SLC7A5: variants seen among roughly 807,000 people sequenced by gnomAD.
The protein encoded by SLC7A5 is solute carrier family 7 member 5.
Under a neutral mutation model 50.2 loss-of-function variants are expected in SLC7A5, and 23 were observed. The ratio of observed to expected loss-of-function variants is 0.46; its 90% CI spans 0.33 to 0.65. The LOEUF (loss-of-function observed/expected upper bound fraction) is 0.65. Ranked by LOEUF, SLC7A5 falls within the 30% of genes least tolerant of loss-of-function variation. The pLI, the probability that SLC7A5 is intolerant of heterozygous loss-of-function variation, is 0.02. For synonymous variants in SLC7A5, 393 were observed against 330.6 expected (o/e 1.19, Z -2.05); for missense variants, 578 against 684.4 (o/e 0.84, Z 1.73).
chr16:87,869,424 C>T lies in SLC7A5; in HGVS notation c.-2G>A. ...CCGCTTCGGGCCCGCACCCGCCATG[C>T]TCTGCGCACCGGCCGGGCCTGGGAC... On this transcript the variant is annotated 5_prime_UTR_variant, in exon 1 of 10. Coordinates refer to ENST00000261622, the MANE Select transcript of SLC7A5 (RefSeq NM_003486.7). 6.8e-7 allele frequency: 1 copy of T among 1,466,134 alleles called. No individual in the cohort carries two copies. Among genetic ancestry groups the T allele is most frequent in the Non-Finnish European group, 8.9e-7 (1 of 1,120,368 alleles). The allele number at this position is 1,466,134 out of a possible 1,614,324, so 90.8% of individuals were successfully genotyped here.
rs958451454 is a variant in SLC7A5 at position 87,831,098 on chromosome 16, C to T, written c.*1872G>A. 1 of 152,192 alleles carries T rather than the reference C, an allele frequency of 6.6e-6. No individual in the cohort carries two copies. Among genetic ancestry groups the T allele is most frequent in the African/African-American group, 2.4e-5 (1 of 41,422 alleles). 9.4% of individuals were successfully genotyped at this position (152,192 alleles called of 1,614,324 possible). A position where few individuals can be genotyped will look rare whatever the true frequency, so the allele number is the denominator to read the frequency against. On this transcript the variant is annotated 3_prime_UTR_variant, in exon 10 of 10. Coordinates refer to ENST00000261622, the MANE Select transcript of SLC7A5 (RefSeq NM_003486.7). ...GGCAGGTGGGGCACCAGCTGCTGTC[C>T]TTATTTGCAGCCAAGAGAACAGGCC...
intron 6 of SLC7A5, among the ~76,000 whole-genome samples, chr16:87,838,391 A>T (rs2055039411): frequency 6.7e-6 from 1 of 148,252 alleles, no homozygotes; most frequent in African/African-American, 2.5e-5. Flanking sequence ...TTCTGGTCTC[A>T]AGCAATCCTT....
At position 87,841,097 on chromosome 16, in the gene SLC7A5, C is replaced by T. The variant is rs1283825466; in HGVS notation, c.723G>A (p.Gly241=). The change falls in exon 3 of 10, where the codon GGG becomes GGA. Residue 241 remains glycine (G), a synonymous_variant. Coordinates refer to ENST00000261622, the MANE Select transcript of SLC7A5 (RefSeq NM_003486.7). This position sits in a 1 kb window ranked among gnomAD's most constrained non-coding sequence, Gnocchi z 4.8. ...FSFEGTKLDV[G]NIVLALYSGL... The stretch of plus-strand genomic sequence containing the variant: ...CGCTGTATAATGCCAGCACAATGTT[C>T]CCCACATCCAGTTTGGTGCCTTCAA... 6.2e-7 allele frequency: 1 copy of T among 1,613,846 alleles called. No homozygotes were observed. Among genetic ancestry groups the T allele is most frequent in the Non-Finnish European group, 8.5e-7 (1 of 1,179,942 alleles).
At chr16:87,846,020 G>C (rs1597501896) in intron 2 of SLC7A5, among the ~76,000 whole-genome samples, 1 of 152,230 alleles carries the variant, frequency 6.6e-6, no homozygotes, top group South Asian at 2.1e-4. Context: ...TGAGCTCCCA[G>C]AGCAAGCGGC....
At chr16:87,848,855 G>A (rs897568371) in intron 2 of SLC7A5, among the ~76,000 whole-genome samples, 8 of 152,224 alleles carry the variant, frequency 5.3e-5, no homozygotes, top group Non-Finnish European at 8.8e-5. Context: ...GACAGAAGAT[G>A]GTTCTGCGGA....
In SLC7A5 at chr16:87,834,919, C is replaced by T. The variant is rs543803281; in HGVS notation, c.1291-328G>A. 1.2e-4 allele frequency among the ~76,000 whole-genome samples: 19 copies of T among 152,332 alleles called. No individual in the cohort carries two copies. In the South Asian group the frequency reaches 3.1e-3, roughly 25 times the overall value. ...GCCTGGAAACCCTGAGCCGCCAGGA[C>T]GCACAGGGGCCTGATGCTTCCAGGA... On this transcript the variant is annotated intron_variant, in intron 8 of 9. Coordinates refer to ENST00000261622, the MANE Select transcript of SLC7A5 (RefSeq NM_003486.7).
chr16:87,851,679 C>A (rs770805901), intron 2 of SLC7A5, 45 bp downstream of exon 2: 2 of 1,599,150 alleles, frequency 1.3e-6, no homozygotes, highest in South Asian at 1.1e-5. Flanking sequence ...GACACACAGG[C>A]AAAGCCTCGA....
chr16:87,839,650 G>A, intron 5 of SLC7A5, 52 bp downstream of exon 5: 2 of 1,610,020 alleles, frequency 1.2e-6, no homozygotes, highest in Non-Finnish European at 1.7e-6. Flanking sequence ...GAAGGGACGG[G>A]CTGGCCACAG....
At chr16:87,839,852 C>A (rs1042572133) in intron 4 of SLC7A5, 27 bp from the exon 5 acceptor site, 1 of 1,612,978 alleles carries the variant, frequency 6.2e-7, no homozygotes, top group Non-Finnish European at 8.5e-7. Flanking sequence ...CGACATGTCA[C>A]CCAACGCAGC....
rs1014004419 is a variant in SLC7A5, at chr16:87,852,342, A to G, written c.539-493T>C. Reference sequence around the variant, plus strand: ...AAGAGGATCTTCTGTGGATTCCAACAGAAGTGGGGTGTCCCGCTTTCCCGG... The same window carrying G: ...AAGAGGATCTTCTGTGGATTCCAACGGAAGTGGGGTGTCCCGCTTTCCCGG... On this transcript the variant is annotated intron_variant, in intron 1 of 9. Transcript: ENST00000261622. The surrounding 1 kb of genome is among the most constrained non-coding windows in gnomAD (Gnocchi z 4.5). Among the ~76,000 whole-genome samples, 9 of 152,176 alleles carry G rather than the reference A, an allele frequency of 5.9e-5. No homozygotes were observed. Among genetic ancestry groups the G allele is most frequent in the African/African-American group, 2.2e-4 (9 of 41,450 alleles).
chr16:87,845,195 G>A (rs937048210), intron 2 of SLC7A5, among the ~76,000 whole-genome samples: 1 of 152,226 alleles, frequency 6.6e-6, no homozygotes, highest in East Asian at 1.9e-4. Context: ...AGACCTCCCG[G>A]CTTCTCAGTG....
intron 5 of SLC7A5, among the ~76,000 whole-genome samples, 197 bp from the exon 6 acceptor site, chr16:87,839,014 C>T (rs2055048768): frequency 6.6e-6 from 1 of 152,240 alleles, no homozygotes; most frequent in African/African-American, 2.4e-5. Flanking sequence ...CCTGCCCAGC[C>T]TGCTTGTTGG....
chr16:87,849,686 C>G (rs539637731), intron 2 of SLC7A5, among the ~76,000 whole-genome samples: 1 of 152,056 alleles, frequency 6.6e-6, no homozygotes, highest in African/African-American at 2.4e-5. Flanking sequence ...TCTGAGTGCC[C>G]GGGAGCCATG....
chr16:87,839,043 GA>G (rs1165943945), intron 5 of SLC7A5, among the ~76,000 whole-genome samples: 1 of 152,228 alleles, frequency 6.6e-6, no homozygotes, highest in African/African-American at 2.4e-5. Context: ...TGCTGGTCCT[GA>G]TTTGCCCCCT....
chr16:87,865,671 T>C (rs1021687486), intron 1 of SLC7A5, among the ~76,000 whole-genome samples: 3 of 152,090 alleles, frequency 2.0e-5, no homozygotes, highest in African/African-American at 7.2e-5. Flanking sequence ...CGTGCCATTG[T>C]ACTCCAGCCT....
chr16:87,855,358 G>T (rs1392677797), intron 1 of SLC7A5, among the ~76,000 whole-genome samples: 1 of 151,998 alleles, frequency 6.6e-6, no homozygotes, highest in Non-Finnish European at 1.5e-5. Context: ...GAACAGGGAG[G>T]GCCCACAGAC....
In SLC7A5 at chr16:87,836,656, G is replaced by T; in HGVS notation, c.1141-9C>A. 6.2e-7 allele frequency: 1 copy of T among 1,611,222 alleles called. No homozygotes were observed. Among genetic ancestry groups the T allele is most frequent in the South Asian group, 1.1e-5 (1 of 91,078 alleles). The stretch of plus-strand genomic sequence containing the variant: ...AGCAGCGTCATCACACACTGGAAGA[G>T]AGAGGCGGCTGGCTGAGCCCTGGGG... On this transcript the variant is annotated splice_polypyrimidine_tract_variant and intron_variant, in intron 7 of 9. Coordinates refer to ENST00000261622, the MANE Select transcript of SLC7A5 (RefSeq NM_003486.7).
At chr16:87,834,719 G>T (rs1358902988) in intron 8 of SLC7A5, 128 bp from the exon 9 acceptor site, 6 of 910,308 alleles carry the variant, frequency 6.6e-6, no homozygotes, top group African/African-American at 1.6e-5. Context: ...ACCAAGATGC[G>T]ATCTGCACTC....
intron 8 of SLC7A5, among the ~76,000 whole-genome samples, 189 bp downstream of exon 8, chr16:87,836,309 T>G (rs563585685): frequency 1.3e-5 from 2 of 152,384 alleles, no homozygotes; most frequent in African/African-American, 4.8e-5. Flanking sequence ...CCCCGGCTCC[T>G]GCAGTCACAC....
Sources: gnomAD v4.1 joint callset for allele counts (sites outside exome capture counted in the v4.1 genomes callset) on GRCh38, gnomAD v4.1.1 for gene constraint, Gnocchi (gnomAD v3.1) non-coding constraint, MANE v1.5 for transcripts, NCBI Gene and HGNC (gene_info 2026-07-23, HGNC 2026-07-21) for gene names.